Variants in FOXN3 observed in about 807,000 individuals in gnomAD.
FOXN3 encodes the protein forkhead box protein N3.
A neutral mutation model predicts 38.4 loss-of-function variants in FOXN3; 7 were observed. The observed-to-expected ratio is 0.18, with a 90% confidence interval of 0.10 to 0.34. The LOEUF (loss-of-function observed/expected upper bound fraction) is 0.34, where lower values mean the gene tolerates loss of function less well. Among genes scored for constraint, FOXN3 ranks in the 10% least tolerant of loss-of-function variants. FOXN3 has a pLI of 1.00. For synonymous variants in FOXN3, 230 were observed against 242.2 expected (o/e 0.95, Z 0.47); for missense variants, 456 against 613.4 (o/e 0.74, Z 2.71).
intron 1 of FOXN3, among the ~76,000 whole-genome samples, chr14:89,571,382 G>A (rs1289348908): frequency 2.6e-5 from 4 of 151,926 alleles, no homozygotes; most frequent in Non-Finnish European, 4.4e-5. Flanking sequence ...GGTAGCAGGC[G>A]CCTGTAGTCC....
chr14:89,398,590 T>C (rs1449309235), intron 2 of FOXN3, among the ~76,000 whole-genome samples: 1 of 152,186 alleles, frequency 6.6e-6, no homozygotes, highest in Non-Finnish European at 1.5e-5. Context: ...GTCCCCATGT[T>C]CTCTGGCATG....
At chr14:89,537,441 TTGGATGGATGGATGGA>T (rs10588872) in intron 1 of FOXN3, among the ~76,000 whole-genome samples, 19 of 149,702 alleles carry the variant, frequency 1.3e-4, no homozygotes, top group Middle Eastern at 3.4e-3. Context: ...CCATGAAATG[TTGGATGGATGGATGGA>T]TGGATGGATG....
rs377108069 is a variant in FOXN3, at chr14:89,456,470, G to GA, written c.-14-43981dup. 2.8e-3 allele frequency among the ~76,000 whole-genome samples: 422 copies of GA among 151,954 alleles called. 2 individuals are homozygous for GA. Among genetic ancestry groups the GA allele is most frequent in the Middle Eastern group, 6.8e-3 (2 of 294 alleles). ...AGTATTTTTTCTAAAATAAATAAAT[G>GA]AGGCCGGGTGCAGTGGCTCATGCCT... On this transcript the variant is annotated intron_variant, in intron 1 of 6. Transcript: ENST00000345097.
intron 4 of FOXN3, among the ~76,000 whole-genome samples, chr14:89,237,824 G>C (rs1885024896): frequency 6.6e-6 from 1 of 152,202 alleles, no homozygotes; most frequent in Admixed American, 6.5e-5. Flanking sequence ...ATAGCTGTAT[G>C]ATACTACATT....
intron 1 of FOXN3, among the ~76,000 whole-genome samples, chr14:89,499,565 A>G (rs1893753917): frequency 2.0e-5 from 3 of 152,120 alleles, no homozygotes; most frequent in Admixed American, 1.3e-4. Context: ...TTTATGCTTA[A>G]TTTTAGTTTC....
chr14:89,322,171 C>T (rs1468862011), intron 3 of FOXN3, among the ~76,000 whole-genome samples: 10 of 152,170 alleles, frequency 6.6e-5, no homozygotes, highest in Non-Finnish European at 5.9e-5. Flanking sequence ...AATGGCTCTG[C>T]TCTTACAGGG....
chr14:89,415,566 T>C (rs1407236830), intron 1 of FOXN3, among the ~76,000 whole-genome samples: 1 of 117,854 alleles, frequency 8.5e-6, no homozygotes, highest in East Asian at 2.5e-4. Context: ...TGCTGATCAC[T>C]ACAGTTCCAT....
At chr14:89,414,218 G>A (rs1200980855) in intron 1 of FOXN3, among the ~76,000 whole-genome samples, 2 of 152,052 alleles carry the variant, frequency 1.3e-5, no homozygotes, top group Non-Finnish European at 2.9e-5. Flanking sequence ...TTGGGAGGCT[G>A]AGGTGGGAGG....
Position 89,554,556 on chromosome 14 carries a change from A to G in FOXN3, c.-15+64472T>C, listed in dbSNP as rs1405282853. 3.3e-5 allele frequency among the ~76,000 whole-genome samples: 5 copies of G among 152,316 alleles called. No individual in the cohort carries two copies. In the East Asian group the frequency reaches 5.8e-4, roughly 18 times the overall value. ...TGTTACAATTTTTTAAAATGGTAAT[A>G]TCTGGATATAGTATAAACTTCAAAA... On this transcript the variant is annotated intron_variant, in intron 1 of 6. Transcript: ENST00000345097.
chr14:89,363,947 A>AATATATATATATATATATATATATAT (rs67802765), intron 2 of FOXN3, among the ~76,000 whole-genome samples: 38 of 111,318 alleles, frequency 3.4e-4, no homozygotes, highest in Non-Finnish European at 5.3e-4. Context: ...CTGTCTGTAA[A>AATATATATATATATATATATATATAT]ATATATATAT....
intron 4 of FOXN3, among the ~76,000 whole-genome samples, chr14:89,244,286 G>A (rs1885225616): frequency 6.6e-6 from 1 of 152,124 alleles, no homozygotes; most frequent in Non-Finnish European, 1.5e-5. Flanking sequence ...GCAACCTCAG[G>A]CAAGTTCCCA....
At chr14:89,468,191 C>T (rs191290828) in intron 1 of FOXN3, among the ~76,000 whole-genome samples, 2 of 151,844 alleles carry the variant, frequency 1.3e-5, no homozygotes, top group African/African-American at 4.8e-5. Context: ...CAGTGACTCA[C>T]TTCTGTAATC....
At chr14:89,305,280 A>T (rs1171877833) in intron 3 of FOXN3, among the ~76,000 whole-genome samples, 1 of 152,170 alleles carries the variant, frequency 6.6e-6, no homozygotes, top group Non-Finnish European at 1.5e-5. Context: ...GGAGCTTCAC[A>T]TATGTTTCAG....
intron 1 of FOXN3, among the ~76,000 whole-genome samples, chr14:89,468,647 T>C (rs1160799473): frequency 2.0e-5 from 3 of 152,154 alleles, no homozygotes; most frequent in Non-Finnish European, 4.4e-5. Flanking sequence ...CACTCAAATA[T>C]GTATTGCTAT....
At chr14:89,617,799 C>A (rs186707589) in intron 1 of FOXN3, among the ~76,000 whole-genome samples, 62 of 152,152 alleles carry the variant, frequency 4.1e-4, no homozygotes, top group Admixed American at 4.0e-3. Context: ...AATGAAAAAC[C>A]GACCCTGCAG....
At chr14:89,335,836 G>T (rs1428878396) in intron 3 of FOXN3, among the ~76,000 whole-genome samples, 5 of 152,050 alleles carry the variant, frequency 3.3e-5, no homozygotes, top group African/African-American at 4.8e-5. Flanking sequence ...AAGATGGTGA[G>T]AGTCCTTGTC....
At chr14:89,328,338 A>C (rs936300527) in intron 3 of FOXN3, among the ~76,000 whole-genome samples, 107 of 136,566 alleles carry the variant, frequency 7.8e-4, no homozygotes, top group Middle Eastern at 9.6e-3. Flanking sequence ...GACATTCCCA[A>C]CAGCAGCCCT....
intron 3 of FOXN3, among the ~76,000 whole-genome samples, chr14:89,308,498 GT>G (rs1222157575): frequency 1.3e-5 from 2 of 152,182 alleles, no homozygotes; most frequent in Non-Finnish European, 2.9e-5. Context: ...CTGGGGAAAG[GT>G]GTCATTCTGT....
At chr14:89,242,038 G>C (rs945825335) in intron 4 of FOXN3, among the ~76,000 whole-genome samples, 2 of 152,154 alleles carry the variant, frequency 1.3e-5, no homozygotes, top group Non-Finnish European at 2.9e-5. Context: ...CCTGGGAAGT[G>C]GGCACTGGAA....
Sources: allele counts gnomAD v4.1 joint callset (sites outside exome capture counted in the v4.1 genomes callset), GRCh38; gene constraint gnomAD v4.1.1; transcripts MANE v1.5; gene names NCBI Gene and HGNC (gene_info 2026-07-23, HGNC 2026-07-21).